CSMD2: variants seen among roughly 807,000 people sequenced by gnomAD.
The protein encoded by CSMD2 is CUB and Sushi multiple domains 2.
Under a neutral mutation model 398.5 loss-of-function variants are expected in CSMD2, and 130 were observed. The observed-to-expected ratio is 0.33, with a 90% CI of 0.28 to 0.38. CSMD2 has a LOEUF of 0.38. Ranked by LOEUF, CSMD2 falls within the 10% of genes least tolerant of loss-of-function variation. CSMD2 has a pLI of 1.00. For synonymous variants in CSMD2, 1,828 were observed against 1,908.5 expected, an observed-to-expected ratio of 0.96 and a Z score of 1.10; for missense variants, 3,829 against 4,764.9, an observed-to-expected ratio of 0.80 and a Z score of 5.78.
intron 28 of CSMD2, among the ~76,000 whole-genome samples, chr1:33,650,305 G>A (rs1241851255): frequency 1.3e-5 from 2 of 152,190 alleles, no homozygotes; most frequent in African/African-American, 2.4e-5. Context: ...AAGTCAGCCC[G>A]AGGCAGAGCA....
At chr1:33,652,116 G>A (rs1557678461) in intron 28 of CSMD2, among the ~76,000 whole-genome samples, 1 of 152,184 alleles carries the variant, frequency 6.6e-6, no homozygotes, top group Non-Finnish European at 1.5e-5. Flanking sequence ...ACAAGGATTA[G>A]ATGTGATGAT....
At chr1:33,973,695 C>G (rs74068625) in intron 3 of CSMD2, among the ~76,000 whole-genome samples, 1 of 152,242 alleles carries the variant, frequency 6.6e-6, no homozygotes, top group African/African-American at 2.4e-5. Flanking sequence ...CCCTTTAGCA[C>G]GTAAGAGCTG....
chr1:33,618,091 T>C (rs918649831), intron 37 of CSMD2, among the ~76,000 whole-genome samples: 1 of 152,138 alleles, frequency 6.6e-6, no homozygotes, highest in African/African-American at 2.4e-5. Context: ...ACATCAGCGA[T>C]GCTCAGGGGC....
Position 33,726,606 on chromosome 1 carries a change from C to G in CSMD2, c.2448G>C (p.Leu816Phe). The change falls in exon 16 of 71, where the codon TTG (leucine) becomes TTC (phenylalanine). Residue 816 changes from leucine (L) to phenylalanine (F), a missense_variant. This residue lies in a region of CSMD2 where 2,001 missense variants were observed against 2,567.1 expected (regional missense o/e 0.78). Transcript: ENST00000373381. ...PGWPGFYKDA[L>F]SCAWVIEAQP... ...GGGCCTCAATCACCCAGGCACAGCT[C>G]AAGGCATCCTTGTAGAAGCCAGGCC... 6.2e-7 allele frequency: 1 copy of G among 1,613,684 alleles called. No homozygotes were observed. Among genetic ancestry groups the G allele is most frequent in the South Asian group, 1.1e-5 (1 of 90,976 alleles).
intron 68 of CSMD2, among the ~76,000 whole-genome samples, chr1:33,520,381 G>A (rs753787432): frequency 6.6e-6 from 1 of 152,182 alleles, no homozygotes; most frequent in Non-Finnish European, 1.5e-5. Flanking sequence ...CTTCTGAAAG[G>A]CTGCCTCTCC....
At position 33,633,157 on chromosome 1, in the gene CSMD2, A is replaced by G. The variant is rs472484; in HGVS notation, c.5200+265T>C. ...CATTTATAGTAAGAAAAAAAGTTGC[A>G]TCTGAATACGAACCAACAGGAGAAG... On this transcript the variant is annotated intron_variant, in intron 32 of 70. Coordinates refer to ENST00000373381, the MANE Select transcript of CSMD2 (RefSeq NM_001281956.2). The surrounding 1 kb of genome is among the most constrained non-coding windows in gnomAD (Gnocchi z 5.0). Among the ~76,000 whole-genome samples the G allele has an allele frequency of 0.064, 9,682 of 152,272 alleles. 404 individuals are homozygous for G. The highest frequency in any genetic ancestry group is 0.14 in the East Asian group (705 of 5,182).
chr1:34,149,173 G>A (rs1640056955), intron 1 of CSMD2, among the ~76,000 whole-genome samples: 1 of 152,162 alleles, frequency 6.6e-6, no homozygotes, highest in Non-Finnish European at 1.5e-5. Context: ...ATTTGCCTCA[G>A]TTTCCCTGCT....
Position 33,696,881 on chromosome 1 carries a change from C to T in CSMD2, c.3925+1872G>A, listed in dbSNP as rs186021605. 5.2e-4 allele frequency among the ~76,000 whole-genome samples: 79 copies of T among 152,212 alleles called. No individual in the cohort carries two copies. The East Asian group carries it at 0.014, about 27-fold the overall frequency. ...TGTTTGGGCTGCAGAGTCCACTCAC[C>T]GAAGAATAAAACATTTGGATGTTTT... On this transcript the variant is annotated intron_variant, in intron 24 of 70. Transcript: ENST00000373381.
intron 3 of CSMD2, among the ~76,000 whole-genome samples, chr1:33,978,879 C>T (rs1387217382): frequency 6.6e-6 from 1 of 152,178 alleles, no homozygotes; most frequent in African/African-American, 2.4e-5. Context: ...CTCACTAAAT[C>T]CTCTTAACAA....
intron 15 of CSMD2, among the ~76,000 whole-genome samples, chr1:33,736,070 G>A (rs1014439046): frequency 5.9e-5 from 9 of 152,180 alleles, no homozygotes; most frequent in African/African-American, 1.9e-4. Context: ...AATGCCCATC[G>A]CTCTGAGAAA....
chr1:33,846,367 G>A (rs1488337025), intron 6 of CSMD2, among the ~76,000 whole-genome samples: 2 of 152,222 alleles, frequency 1.3e-5, no homozygotes, highest in African/African-American at 2.4e-5. Context: ...ATATATTCAT[G>A]TTTTAGATAA....
At chr1:33,714,875 G>A (rs1571318702) in intron 20 of CSMD2, 100 bp from the exon 21 acceptor site, 1 of 1,184,626 alleles carries the variant, frequency 8.4e-7, no homozygotes, top group Non-Finnish European at 1.2e-6. Context: ...GAAAGGGCCA[G>A]GGACAACGAA....
intron 26 of CSMD2, among the ~76,000 whole-genome samples, chr1:33,661,607 C>T (rs530569042): frequency 2.4e-4 from 37 of 152,250 alleles, no homozygotes; most frequent in African/African-American, 8.7e-4. Context: ...AATTAGTATT[C>T]CATGGAACTC....
Position 33,974,617 on chromosome 1 carries a change from G to A in CSMD2, c.518-38663C>T, listed in dbSNP as rs192176143. ...CCCAGGGCTAGTCAGTGGCAGAGGT[G>A]CTTTGCTTGCATGGAACTGTGAGTG... On this transcript the variant is annotated intron_variant, in intron 3 of 70. Coordinates refer to ENST00000373381, the MANE Select transcript of CSMD2 (RefSeq NM_001281956.2). Among the ~76,000 whole-genome samples the A allele has an allele frequency of 8.5e-5, 13 of 152,346 alleles. No homozygotes were observed. The East Asian group carries it at 1.5e-3, about 18-fold the overall frequency.
At chr1:34,071,497 G>A (rs1018393826) in intron 2 of CSMD2, among the ~76,000 whole-genome samples, 2 of 152,238 alleles carry the variant, frequency 1.3e-5, no homozygotes, top group African/African-American at 2.4e-5. Flanking sequence ...CAGTCATCCA[G>A]GCATCTAGGC....
At chr1:33,767,781 T>C (rs980139796) in intron 13 of CSMD2, among the ~76,000 whole-genome samples, 1 of 152,352 alleles carries the variant, frequency 6.6e-6, no homozygotes, top group Admixed American at 6.5e-5. Flanking sequence ...CAACCTTTGT[T>C]GCTTCATACA....
At chr1:33,784,080 C>G (rs1030494192) in intron 12 of CSMD2, among the ~76,000 whole-genome samples, 1 of 152,028 alleles carries the variant, frequency 6.6e-6, no homozygotes, top group African/African-American at 2.4e-5. Flanking sequence ...AAATGTGTAA[C>G]AGGAAGACTG....
intron 1 of CSMD2, among the ~76,000 whole-genome samples, chr1:34,155,190 G>A (rs1266851335): frequency 6.6e-6 from 1 of 152,186 alleles, no homozygotes; most frequent in Non-Finnish European, 1.5e-5. Context: ...TGGACTGAGG[G>A]TAGGATTAAT....
chr1:33,671,413 C>T (rs978203441), intron 25 of CSMD2, among the ~76,000 whole-genome samples: 3 of 152,100 alleles, frequency 2.0e-5, no homozygotes, highest in African/African-American at 7.2e-5. Flanking sequence ...GTTCTCCCTC[C>T]CATTCCTTGG....
Sources: allele counts gnomAD v4.1 joint callset (sites outside exome capture counted in the v4.1 genomes callset), GRCh38; gene constraint gnomAD v4.1.1; regional missense constraint gnomAD v4.1.1; non-coding constraint Gnocchi (gnomAD v3.1); transcripts MANE v1.5; gene names NCBI Gene and HGNC (gene_info 2026-07-23, HGNC 2026-07-21).